KCNK12: variants seen among roughly 807,000 people sequenced by gnomAD.
KCNK12 encodes the protein potassium channel subfamily K member 12.
KCNK12 carries 6 observed loss-of-function variants against 25.3 expected under a neutral mutation model. That is an observed-to-expected ratio of 0.24 (90% confidence interval 0.13 to 0.47). The LOEUF (loss-of-function observed/expected upper bound fraction) is 0.47. KCNK12 is among the 20% of genes least tolerant of loss of function. The pLI, the probability that KCNK12 is intolerant of heterozygous loss-of-function variation, is 0.99. For missense variants in KCNK12, 444 were observed against 661.7 expected (o/e 0.67, Z 3.61); for synonymous variants, 331 against 311.1 (o/e 1.06, Z -0.67).
intron 1 of KCNK12, among the ~76,000 whole-genome samples, chr2:47,530,727 A>T (rs953673706): frequency 6.6e-6 from 1 of 152,206 alleles, no homozygotes; most frequent in African/African-American, 2.4e-5. Context: ...TTTATTTGGC[A>T]GTATTTTAAA....
intron 1 of KCNK12, among the ~76,000 whole-genome samples, chr2:47,561,673 G>T (rs919765801): frequency 6.6e-6 from 1 of 152,188 alleles, no homozygotes; most frequent in Non-Finnish European, 1.5e-5. Context: ...GCACCCATGG[G>T]TTAGAGCCTT....
rs1669708579 is a variant in KCNK12, at chr2:47,562,825, G to A, written c.391+7116C>T. On this transcript the variant is annotated intron_variant, in intron 1 of 1. Transcript: ENST00000327876. The surrounding 1 kb of genome is among the most constrained non-coding windows in gnomAD (Gnocchi z 4.8). Reference sequence around the variant, plus strand: ...TAGAAACTCTGCAGAGAGTATGACCGTGTCTCTTAAAAAAACTTTGGTGAG... The same window carrying A: ...TAGAAACTCTGCAGAGAGTATGACCATGTCTCTTAAAAAAACTTTGGTGAG... 1 of 232,984 alleles carries A rather than the reference G, an allele frequency of 4.3e-6. No individual in the cohort carries two copies. Among genetic ancestry groups the A allele is most frequent in the Non-Finnish European group, 8.5e-6 (1 of 117,942 alleles). The allele number at this position is 232,984 out of a possible 1,614,324, so 14.4% of individuals were successfully genotyped here. A position where few individuals can be genotyped will look rare whatever the true frequency, so the allele number is the denominator to read the frequency against.
rs1315908927 is a variant in KCNK12 at position 47,517,189 on chromosome 2, C to T, written c.*3718G>A. The T allele has an allele frequency of 6.6e-6, 1 of 152,086 alleles. No individual in the cohort carries two copies. Among genetic ancestry groups the T allele is most frequent in the East Asian group, 1.9e-4 (1 of 5,192 alleles). The allele number at this position is 152,086 out of a possible 1,614,324, so 9.4% of individuals were successfully genotyped here. Reference sequence around the variant, plus strand: ...TACAGTAAGATCGAACCACAGGGCCCGTCGCTCCTATGGTCTCTGCCTGAC... The same window carrying T: ...TACAGTAAGATCGAACCACAGGGCCTGTCGCTCCTATGGTCTCTGCCTGAC... On this transcript the variant is annotated 3_prime_UTR_variant, in exon 2 of 2. Coordinates refer to ENST00000327876, the MANE Select transcript of KCNK12 (RefSeq NM_022055.2). The surrounding 1 kb of genome is among the most constrained non-coding windows in gnomAD (Gnocchi z 4.1).
chr2:47,531,455 A>G (rs571433010), intron 1 of KCNK12, among the ~76,000 whole-genome samples: 1 of 152,112 alleles, frequency 6.6e-6, no homozygotes, highest in East Asian at 1.9e-4. Context: ...CCTGGGTGAC[A>G]GAGCAAGACC....
Position 47,518,840 on chromosome 2 carries a change from AG to A in KCNK12, c.*2066del, listed in dbSNP as rs1390230945. 6.6e-6 allele frequency: 1 copy of A among 152,228 alleles called. No homozygotes were observed. The highest frequency in any genetic ancestry group is 1.5e-5 in the Non-Finnish European group (1 of 68,042). 9.4% of individuals were successfully genotyped at this position (152,228 alleles called of 1,614,324 possible). On this transcript the variant is annotated 3_prime_UTR_variant, in exon 2 of 2. Coordinates refer to ENST00000327876, the MANE Select transcript of KCNK12 (RefSeq NM_022055.2). This position sits in a 1 kb window ranked among gnomAD's most constrained non-coding sequence, Gnocchi z 4.1. ...ATCCCCAAGTTATTTCCTGTTGCCT[AG>A]GTAACACCTCTAATTGGATGCCTTT...
intron 1 of KCNK12, among the ~76,000 whole-genome samples, chr2:47,567,814 G>A (rs555122863): frequency 6.6e-6 from 1 of 152,300 alleles, no homozygotes; most frequent in African/African-American, 2.4e-5. Context: ...AATCAAGAAA[G>A]AGAATATAGC....
intron 1 of KCNK12, chr2:47,564,274 G>A (rs1558566970): frequency 8.7e-6 from 2 of 229,914 alleles, no homozygotes; most frequent in African/African-American, 2.2e-5. Context: ...ACAGTCTCTC[G>A]CTCCAAAGGG....
intron 1 of KCNK12, among the ~76,000 whole-genome samples, chr2:47,568,321 T>A (rs895498080): frequency 6.6e-6 from 1 of 151,090 alleles, no homozygotes; most frequent in African/African-American, 2.5e-5. Flanking sequence ...AAAAAAAAAC[T>A]CTAGTTGCTA....
At chr2:47,531,213 C>A (rs1443783744) in intron 1 of KCNK12, among the ~76,000 whole-genome samples, 1 of 152,160 alleles carries the variant, frequency 6.6e-6, no homozygotes. Flanking sequence ...TGGCTCACAC[C>A]TGTAATCCCA....
chr2:47,533,577 G>A lies in KCNK12; in HGVS notation c.392-11769C>T, dbSNP rs187696790. Among the ~76,000 whole-genome samples the A allele has an allele frequency of 2.2e-4, 34 of 152,338 alleles. No homozygotes were observed. In the East Asian group the frequency reaches 5.4e-3, roughly 24 times the overall value. On this transcript the variant is annotated intron_variant, in intron 1 of 1. Coordinates refer to ENST00000327876, the MANE Select transcript of KCNK12 (RefSeq NM_022055.2). The surrounding 1 kb of genome is among the most constrained non-coding windows in gnomAD (Gnocchi z 4.7). ...TCAAGCCTGGCTCTACCATTGGCTC[G>A]CCGTTCTCCTACCTCGCTGGGCCTC...
In KCNK12 at chr2:47,560,531, C is replaced by T. The variant is rs1024054002; in HGVS notation, c.391+9410G>A. On this transcript the variant is annotated intron_variant, in intron 1 of 1. Transcript: ENST00000327876. This position sits in a 1 kb window ranked among gnomAD's most constrained non-coding sequence, Gnocchi z 4.7. ...GTTCTTCCCCCTCTGTGGAACTGCACAATTCAGAGACAGCAGAGATCTTGA... is the reference window on the plus strand; with the variant it reads ...GTTCTTCCCCCTCTGTGGAACTGCATAATTCAGAGACAGCAGAGATCTTGA... 3.3e-5 allele frequency among the ~76,000 whole-genome samples: 5 copies of T among 152,188 alleles called. No homozygotes were observed. The highest frequency in any genetic ancestry group is 6.5e-5 in the Admixed American group (1 of 15,276).
rs1311871246 is a variant in KCNK12, at chr2:47,551,034, T to G, written c.391+18907A>C. Among the ~76,000 whole-genome samples the G allele has an allele frequency of 3.3e-5, 5 of 152,136 alleles. No homozygotes were observed. The highest frequency in any genetic ancestry group is 9.7e-5 in the African/African-American group (4 of 41,424). ...TTTTGCCTCAGGATCTAATCATGCT[T>G]CTTCTCAAAATCCTCCCGTGGCTCC... On this transcript the variant is annotated intron_variant, in intron 1 of 1. Transcript: ENST00000327876. This position sits in a 1 kb window ranked among gnomAD's most constrained non-coding sequence, Gnocchi z 5.3.
intron 1 of KCNK12, among the ~76,000 whole-genome samples, chr2:47,537,376 G>T (rs1669096477): frequency 6.6e-6 from 1 of 151,708 alleles, no homozygotes; most frequent in Admixed American, 6.6e-5. Flanking sequence ...TGTCGCCCAG[G>T]CTGGAGTGCA....
rs2104744259 is a variant in KCNK12 at position 47,525,834 on chromosome 2, T to C, written c.392-4026A>G. Among the ~76,000 whole-genome samples, 1 of 151,898 alleles carries C rather than the reference T, an allele frequency of 6.6e-6. No individual in the cohort carries two copies. The highest frequency in any genetic ancestry group is 2.1e-4 in the South Asian group (1 of 4,792). Reference sequence around the variant, plus strand: ...CCTGTGCAGGGCTCCCAAGGACCCATAAATAGATGCCGTGAAAGCACATAT... The same window carrying C: ...CCTGTGCAGGGCTCCCAAGGACCCACAAATAGATGCCGTGAAAGCACATAT... On this transcript the variant is annotated intron_variant, in intron 1 of 1. Transcript: ENST00000327876. This position sits in a 1 kb window ranked among gnomAD's most constrained non-coding sequence, Gnocchi z 4.1.
rs984793422 is a variant in KCNK12, at chr2:47,514,088, G to C, written c.*6819C>G. Among the ~76,000 whole-genome samples, 1 of 152,170 alleles carries C rather than the reference G, an allele frequency of 6.6e-6. No individual in the cohort carries two copies. ...TACCTCCCTTGCTCTGCATGCTCCA[G>C]TCCTGCAGAACTACACACAGTTCCC... On this transcript the variant is annotated 3_prime_UTR_variant, in exon 2 of 2. Transcript: ENST00000327876. The surrounding 1 kb of genome is among the most constrained non-coding windows in gnomAD (Gnocchi z 5.0).
rs1029229824 is a variant in KCNK12, at chr2:47,510,566, C to G, written c.*10341G>C. Among the ~76,000 whole-genome samples the G allele has an allele frequency of 1.3e-5, 2 of 152,122 alleles. No homozygotes were observed. Among genetic ancestry groups the G allele is most frequent in the African/African-American group, 4.8e-5 (2 of 41,394 alleles). ...CTCCAGGATCTGCCCTGGGGGCTAT[C>G]TCAACACCCCTACACTCTCACCGCA... On this transcript the variant is annotated 3_prime_UTR_variant, in exon 2 of 2. Transcript: ENST00000327876.
At position 47,521,669 on chromosome 2, in the gene KCNK12, G is replaced by A. The variant is rs1470079702; in HGVS notation, c.531C>T (p.Arg177=). 1.9e-6 allele frequency: 3 copies of A among 1,598,872 alleles called. No individual in the cohort carries two copies. The highest frequency in any genetic ancestry group is 1.3e-5 in the African/African-American group (1 of 74,308). Residue 177 remains arginine (R), a synonymous_variant, in exon 2 of 2, where the codon CGC becomes CGT. Transcript: ENST00000327876. ...GGCGCAGCTGGCGCTCCCGGCAGGC[G>A]CGCATGATGAAGGCCAGCAGCGAGA... is the stretch of plus-strand genomic sequence containing the variant. The part of the protein sequence containing the change: ...RIISLLAFIM[R]ACRERQLRRS...
At chr2:47,568,140 G>A (rs1158601751) in intron 1 of KCNK12, among the ~76,000 whole-genome samples, 1 of 152,116 alleles carries the variant, frequency 6.6e-6, no homozygotes, top group Non-Finnish European at 1.5e-5. Context: ...GCCGGAACAT[G>A]TCACTGGGAG....
In KCNK12 at chr2:47,533,307, G is replaced by A. The variant is rs1168492877; in HGVS notation, c.392-11499C>T. On this transcript the variant is annotated intron_variant, in intron 1 of 1. Transcript: ENST00000327876. The surrounding 1 kb of genome is among the most constrained non-coding windows in gnomAD (Gnocchi z 4.7). ...ATTACATGAGTGCGCCACTGTGCCC[G>A]GCCCACTGCCCTACCTCTGAATGTC... Among the ~76,000 whole-genome samples the A allele has an allele frequency of 6.6e-6, 1 of 152,160 alleles. No homozygotes were observed. Among genetic ancestry groups the A allele is most frequent in the East Asian group, 1.9e-4 (1 of 5,194 alleles).
Sources: allele counts gnomAD v4.1 joint callset (sites outside exome capture counted in the v4.1 genomes callset), GRCh38; gene constraint gnomAD v4.1.1; non-coding constraint Gnocchi (gnomAD v3.1); transcripts MANE v1.5; gene names NCBI Gene and HGNC (gene_info 2026-07-23, HGNC 2026-07-21).